Variants in TECPR2 observed in about 807,000 individuals in gnomAD.
TECPR2 encodes the protein tectonin beta-propeller repeat-containing protein 2.
TECPR2 carries 65 observed loss-of-function variants against 138.1 expected under a neutral mutation model. That is an observed-to-expected ratio of 0.47 (90% CI 0.39 to 0.58). The LOEUF (loss-of-function observed/expected upper bound fraction) is 0.58. Ranked by LOEUF, TECPR2 falls within the 20% of genes least tolerant of loss-of-function variation. The pLI, the probability that TECPR2 is intolerant of heterozygous loss-of-function variation, is 0.00. For synonymous variants in TECPR2, 746 were observed against 749.8 expected (o/e 0.99, Z 0.08); for missense variants, 1,553 against 1,824.5 (o/e 0.85, Z 2.71).
chr14:102,421,669 C>T (rs1325884662), intron 5 of TECPR2, among the ~76,000 whole-genome samples: 3 of 152,124 alleles, frequency 2.0e-5, no homozygotes, highest in Non-Finnish European at 4.4e-5. Flanking sequence ...CCTGTAGCCT[C>T]GTTCAGGACA....
intron 1 of TECPR2, among the ~76,000 whole-genome samples, chr14:102,370,538 C>A (rs1002068771): frequency 6.6e-6 from 1 of 152,170 alleles, no homozygotes; most frequent in Non-Finnish European, 1.5e-5. Context: ...AGAGGCCAGG[C>A]CTGTTGTAAT....
intron 3 of TECPR2, among the ~76,000 whole-genome samples, chr14:102,408,002 A>AG (rs1005777403): frequency 3.3e-4 from 50 of 151,324 alleles, no homozygotes; most frequent in African/African-American, 1.2e-3. Context: ...ATCTAAAAAA[A>AG]GAAAAAAAAT....
chr14:102,375,540 G>A (rs901141987), intron 1 of TECPR2, among the ~76,000 whole-genome samples: 1 of 152,140 alleles, frequency 6.6e-6, no homozygotes, highest in African/African-American at 2.4e-5. Flanking sequence ...GGGTGAGAAC[G>A]AGCTGGATTA....
At position 102,495,164 on chromosome 14, in the gene TECPR2, G is replaced by A. The variant is rs562461979; in HGVS notation, c.3790-1815G>A. On this transcript the variant is annotated intron_variant, in intron 17 of 19. Transcript: ENST00000359520. ...GGGAGATGGAGGTTGCAGTGAGCCG[G>A]GATTGCGCCAGGGCACTCCAGCCTG... Among the ~76,000 whole-genome samples, 13 of 150,410 alleles carry A rather than the reference G, an allele frequency of 8.6e-5. No individual in the cohort carries two copies. The South Asian group carries it at 2.5e-3, about 29-fold the overall frequency.
At chr14:102,381,972 A>G (rs1319844267) in intron 2 of TECPR2, among the ~76,000 whole-genome samples, 1 of 152,206 alleles carries the variant, frequency 6.6e-6, no homozygotes, top group Non-Finnish European at 1.5e-5. Flanking sequence ...TTGAAGAGGT[A>G]CAATATTGAT....
chr14:102,382,020 A>G (rs1041511911), intron 2 of TECPR2, among the ~76,000 whole-genome samples: 2 of 152,156 alleles, frequency 1.3e-5, no homozygotes, highest in Non-Finnish European at 2.9e-5. Context: ...TAGGCCGGGC[A>G]CGGTGGCTCA....
At position 102,477,934 on chromosome 14, in the gene TECPR2, CA is replaced by C. The variant is rs1188082616; in HGVS notation, c.3789+12668del. ...TGGGTGACAGAGCGAGACTCCGTCT[CA>C]AAAAAAAAAAAAAAAAAAAAAAGAG... is the stretch of plus-strand genomic sequence containing the variant. On this transcript the variant is annotated intron_variant, in intron 17 of 19. Coordinates refer to ENST00000359520, the MANE Select transcript of TECPR2 (RefSeq NM_014844.5). Among the ~76,000 whole-genome samples, 128 of 44,634 alleles carry C rather than the reference CA, an allele frequency of 2.9e-3. 1 individual carries two copies. The highest frequency in any genetic ancestry group is 5.8e-3 in the Admixed American group (22 of 3,796). 29.3% of individuals were successfully genotyped at this position (44,634 alleles called of 152,430 possible). A position where few individuals can be genotyped will look rare whatever the true frequency, so the allele number is the denominator to read the frequency against.
At chr14:102,453,841 G>T (rs74318331) in intron 16 of TECPR2, among the ~76,000 whole-genome samples, 2 of 150,900 alleles carry the variant, frequency 1.3e-5, no homozygotes, top group Non-Finnish European at 3.0e-5. Context: ...AAAAAAAAAG[G>T]ATGGGGAGAA....
chr14:102,472,487 T>G (rs1250871512), intron 17 of TECPR2, among the ~76,000 whole-genome samples: 5 of 152,316 alleles, frequency 3.3e-5, no homozygotes, highest in Admixed American at 3.3e-4. Context: ...GATTGCTAAA[T>G]GGGATGTTAA....
At chr14:102,423,437 CAAA>C (rs35097163) in intron 5 of TECPR2, among the ~76,000 whole-genome samples, 1 of 129,692 alleles carries the variant, frequency 7.7e-6, no homozygotes, top group Admixed American at 7.8e-5. Context: ...AACTCTGTCT[CAAA>C]AAAAAAAAAA....
intron 17 of TECPR2, among the ~76,000 whole-genome samples, chr14:102,466,485 C>T (rs1890552830): frequency 6.6e-6 from 1 of 152,222 alleles, no homozygotes; most frequent in African/African-American, 2.4e-5. Flanking sequence ...GAGCCTTCCT[C>T]ACTGCCATGT....
chr14:102,436,314 CTTTCTTTTTTT>C (rs1567341025), intron 9 of TECPR2, among the ~76,000 whole-genome samples: 2 of 145,076 alleles, frequency 1.4e-5, no homozygotes, highest in Non-Finnish European at 3.0e-5. Flanking sequence ...TTTCTTCTTT[CTTTCTTTTTTT>C]TTTTTTTTTC....
chr14:102,476,090 G>A (rs145069058), intron 17 of TECPR2, among the ~76,000 whole-genome samples: 1,583 of 151,042 alleles, frequency 0.01, 29 homozygotes, highest in African/African-American at 0.036. Flanking sequence ...ACCTGTAATC[G>A]TAGCTACTCA....
At position 102,438,197 on chromosome 14, in the gene TECPR2, C is replaced by G; in HGVS notation, c.2570C>G (p.Ser857Trp). The change falls in exon 10 of 20, where the codon TCG (serine) becomes TGG (tryptophan). Residue 857 changes from serine (S) to tryptophan (W), a missense_variant. Ser to Trp is a radical substitution (Grantham distance 177). Transcript: ENST00000359520. The part of the protein sequence containing the change: ...FEDAVQQVAV[S>W]PSGALLWKIE... ...GATGCTGTCCAGCAGGTGGCAGTCT[C>G]GCCCTCAGGTTCGCCTCCCCGCTCC... 6.2e-7 allele frequency: 1 copy of G among 1,605,326 alleles called. No individual in the cohort carries two copies. Among genetic ancestry groups the G allele is most frequent in the Non-Finnish European group, 8.5e-7 (1 of 1,178,670 alleles).
chr14:102,405,326 C>CA (rs1200066956), intron 2 of TECPR2, among the ~76,000 whole-genome samples: 6 of 151,862 alleles, frequency 4.0e-5, no homozygotes, highest in Non-Finnish European at 8.8e-5. Flanking sequence ...AACAAACAGA[C>CA]AAAAAACTCA....
chr14:102,380,135 GCGTCCTGGT>G (rs1887762194), intron 2 of TECPR2, among the ~76,000 whole-genome samples: 1 of 148,242 alleles, frequency 6.7e-6, no homozygotes. Context: ...ATGCACAGAG[GCGTCCTGGT>G]CACACTGCTG....
intron 7 of TECPR2, among the ~76,000 whole-genome samples, chr14:102,431,108 C>T (rs1257823081): frequency 6.8e-6 from 1 of 146,138 alleles, no homozygotes; most frequent in East Asian, 2.0e-4. Context: ...ACTGCAACCT[C>T]CACCTCCCAG....
chr14:102,435,360 C>T (rs890062979), intron 9 of TECPR2, 149 bp downstream of exon 9: 1 of 1,234,164 alleles, frequency 8.1e-7, no homozygotes, highest in Non-Finnish European at 1.1e-6. Context: ...GTCTGGGTTT[C>T]AGGGGATTTC....
In TECPR2 at chr14:102,487,864, G is replaced by A. The variant is rs530279266; in HGVS notation, c.3790-9115G>A. The stretch of plus-strand genomic sequence containing the variant: ...CCTGTTTGTTTTTTTTTTTTGATAC[G>A]GAGTTTCACTCTTGTTGCCGAGGCT... On this transcript the variant is annotated intron_variant, in intron 17 of 19. Coordinates refer to ENST00000359520, the MANE Select transcript of TECPR2 (RefSeq NM_014844.5). 9.4e-5 allele frequency among the ~76,000 whole-genome samples: 12 copies of A among 127,748 alleles called. 1 individual carries two copies. Among genetic ancestry groups the A allele is most frequent in the African/African-American group, 3.5e-4 (12 of 33,884 alleles). The allele number at this position is 127,748 out of a possible 152,430, so 83.8% of individuals were successfully genotyped here.
Sources: allele counts gnomAD v4.1 joint callset (sites outside exome capture counted in the v4.1 genomes callset), GRCh38; gene constraint gnomAD v4.1.1; transcripts MANE v1.5; gene names NCBI Gene and HGNC (gene_info 2026-07-23, HGNC 2026-07-21).